Variants in SPINK5 observed in about 807,000 individuals in gnomAD.
SPINK5 encodes the protein serine peptidase inhibitor Kazal type 5.
In SPINK5, 125 loss-of-function variants were observed where a neutral mutation model predicts 151.8. The observed-to-expected ratio is 0.82, with a 90% confidence interval of 0.71 to 0.96. SPINK5 has a LOEUF of 0.96. SPINK5 is among the 40% of genes least tolerant of loss of function. The pLI is 0.00. For synonymous variants in SPINK5, 374 were observed against 395.3 expected (o/e 0.95, Z 0.64); for missense variants, 1,194 against 1,291.9 (o/e 0.92, Z 1.16).
intron 19 of SPINK5, 98 bp from the exon 20 acceptor site, chr5:148,112,770 T>C (rs1342061933): frequency 1.9e-6 from 3 of 1,566,696 alleles, no homozygotes; most frequent in African/African-American, 1.4e-5. Context: ...GGTGGAGGTA[T>C]AGAAGTAATG....
intron 15 of SPINK5, among the ~76,000 whole-genome samples, chr5:148,104,696 C>G (rs185984688): frequency 7.2e-5 from 11 of 152,174 alleles, no homozygotes; most frequent in African/African-American, 2.4e-4. Context: ...GAGTTCGAGA[C>G]CAGCCTGGCC....
At chr5:148,092,801 C>T (rs1435106565) in intron 8 of SPINK5, among the ~76,000 whole-genome samples, 1 of 151,912 alleles carries the variant, frequency 6.6e-6, no homozygotes, top group Non-Finnish European at 1.5e-5. Context: ...GTTTGGAGCA[C>T]ATCCATTGCT....
intron 18 of SPINK5, among the ~76,000 whole-genome samples, 164 bp downstream of exon 18, chr5:148,109,001 AT>A (rs1753852470): frequency 6.6e-6 from 1 of 152,132 alleles, no homozygotes; most frequent in African/African-American, 2.4e-5. Context: ...TCCTTATTCA[AT>A]TTATTCACAT....
intron 4 of SPINK5, among the ~76,000 whole-genome samples, chr5:148,075,386 CTAT>C (rs921537208): frequency 4.6e-5 from 7 of 150,730 alleles, no homozygotes; most frequent in African/African-American, 9.7e-5. Flanking sequence ...TAATATTAAA[CTAT>C]TATTATTTTC....
chr5:148,067,592 A>G (rs1206273586), intron 2 of SPINK5, among the ~76,000 whole-genome samples: 1 of 152,194 alleles, frequency 6.6e-6, no homozygotes, highest in Non-Finnish European at 1.5e-5. Flanking sequence ...GGATAATTTC[A>G]TAACTCAGAA....
intron 3 of SPINK5, among the ~76,000 whole-genome samples, chr5:148,070,986 T>C (rs996633984): frequency 6.6e-6 from 1 of 152,066 alleles, no homozygotes; most frequent in African/African-American, 2.4e-5. Flanking sequence ...GATTATAGTT[T>C]CCAACTCCTT....
At chr5:148,123,994 T>G (rs750265682) in intron 27 of SPINK5, 34 bp downstream of exon 27, 2 of 1,611,884 alleles carry the variant, frequency 1.2e-6, no homozygotes. Context: ...AATTTGATAG[T>G]TGTGCCTGTT....
At chr5:148,125,964 CT>C in intron 29 of SPINK5, 114 bp downstream of exon 29, 1 of 1,504,196 alleles carries the variant, frequency 6.6e-7, no homozygotes, top group Non-Finnish European at 9.2e-7. Flanking sequence ...AAAAATAAGT[CT>C]TTAGAATTAA....
At chr5:148,114,672 A>T (rs1477163069) in intron 21 of SPINK5, among the ~76,000 whole-genome samples, 183 bp downstream of exon 21, 1 of 152,232 alleles carries the variant, frequency 6.6e-6, no homozygotes, top group East Asian at 1.9e-4. Flanking sequence ...TAGAAATAAA[A>T]TAAATACAAC....
In SPINK5 at chr5:148,111,822, A is replaced by G. The variant is rs1406800616; in HGVS notation, c.1747A>G (p.Arg583Gly). The G allele has an allele frequency of 2.5e-6, 4 of 1,614,080 alleles. No homozygotes were observed. The highest frequency in any genetic ancestry group is 1.1e-5 in the South Asian group (1 of 91,088). Residue 583 changes from arginine to glycine, a missense_variant, in exon 19 of 33, where the codon AGA becomes GGA. Physicochemically the swap from Arg to Gly is moderately radical, Grantham distance 125 (BLOSUM62 -2). Coordinates refer to ENST00000256084, the MANE Select transcript of SPINK5 (RefSeq NM_006846.4). ...GAGGAATGGACGACTCCCCTGTACCAGAGAGAATGATCCTATTGAGGGTCT... is the reference window on the plus strand; with the variant it reads ...GAGGAATGGACGACTCCCCTGTACCGGAGAGAATGATCCTATTGAGGGTCT... ...YVRNGRLPCT[R>G]ENDPIEGLDG... is the part of the protein sequence containing the mutation.
chr5:148,124,864 A>G (rs752331445), intron 28 of SPINK5, 27 bp downstream of exon 28: 2 of 1,559,586 alleles, frequency 1.3e-6, no homozygotes, highest in African/African-American at 2.8e-5. Context: ...TACCAAAATA[A>G]CCATTTTACT....
In SPINK5 at chr5:148,070,406, T is replaced by C; in HGVS notation, c.165T>C (p.Asp55=). 1 of 1,612,860 alleles carries C rather than the reference T, an allele frequency of 6.2e-7. No individual in the cohort carries two copies. The highest frequency in any genetic ancestry group is 1.1e-5 in the South Asian group (1 of 91,046). The part of the protein sequence containing the change: ...PQDKKFFQSL[D]GIMFINKCAT... ...ATAAGAAATTTTTTCAAAGTCTTGATGGAATAATGTTCATCAATAAATGTG... is the reference window on the plus strand; with the variant it reads ...ATAAGAAATTTTTTCAAAGTCTTGACGGAATAATGTTCATCAATAAATGTG... The change falls in exon 3 of 33, where the codon GAT becomes GAC. Residue 55 remains aspartate, a synonymous_variant. Coordinates refer to ENST00000256084, the MANE Select transcript of SPINK5 (RefSeq NM_006846.4).
intron 10 of SPINK5, among the ~76,000 whole-genome samples, chr5:148,097,464 T>G (rs909852205): frequency 6.6e-6 from 1 of 152,034 alleles, no homozygotes; most frequent in African/African-American, 2.4e-5. Flanking sequence ...GGATGGCCTT[T>G]TTCCACATTA....
At chr5:148,117,218 T>G (rs1026358787) in intron 22 of SPINK5, among the ~76,000 whole-genome samples, 2 of 152,240 alleles carry the variant, frequency 1.3e-5, no homozygotes, top group Non-Finnish European at 2.9e-5. Context: ...CTATTCTGTT[T>G]TTTTCCCATC....
chr5:148,112,987 C>T (rs1158746146), intron 20 of SPINK5, 53 bp downstream of exon 20: 1 of 1,606,062 alleles, frequency 6.2e-7, no homozygotes, highest in Non-Finnish European at 8.5e-7. Flanking sequence ...TTTGCAGTAT[C>T]TCTGTAAAAA....
chr5:148,086,547 A>C lies in SPINK5; in HGVS notation c.410+15A>C. 6.2e-7 allele frequency: 1 copy of C among 1,609,992 alleles called. No individual in the cohort carries two copies. The highest frequency in any genetic ancestry group is 8.5e-7 in the Non-Finnish European group (1 of 1,178,028). On this transcript the variant is annotated intron_variant, in intron 5 of 32. Coordinates refer to ENST00000256084, the MANE Select transcript of SPINK5 (RefSeq NM_006846.4). ...GCTGAGAATGCGTGAGTATTCTCTG[A>C]AGTAGGCTTTCTCCCTAAAACGTGT... is the stretch of plus-strand genomic sequence containing the variant.
rs770237499 is a variant in SPINK5 at position 148,099,192 on chromosome 5, GTT to G, written c.1011-40_1011-39del. The stretch of plus-strand genomic sequence containing the variant: ...AGGATGTGGAGAAATCATGGCATGT[GTT>G]TGTTCCTAATGGATCTGCTTCTTTT... On this transcript the variant is annotated intron_variant, in intron 11 of 32. Coordinates refer to ENST00000256084, the MANE Select transcript of SPINK5 (RefSeq NM_006846.4). 10 of 1,553,862 alleles carry G rather than the reference GTT, an allele frequency of 6.4e-6. No homozygotes were observed. In the African/African-American group the frequency reaches 1.4e-4, roughly 21 times the overall value.
intron 18 of SPINK5, among the ~76,000 whole-genome samples, chr5:148,109,479 T>C (rs926205316): frequency 6.6e-6 from 1 of 150,382 alleles, no homozygotes; most frequent in African/African-American, 2.4e-5. Context: ...TATAATACAA[T>C]TATATACTGA....
intron 31 of SPINK5, among the ~76,000 whole-genome samples, chr5:148,133,592 AG>A (rs1193702710): frequency 6.6e-6 from 1 of 152,166 alleles, no homozygotes; most frequent in Non-Finnish European, 1.5e-5. Flanking sequence ...GGATAGGTCC[AG>A]GGCTAGGGGA....
Sources: allele counts gnomAD v4.1 joint callset (sites outside exome capture counted in the v4.1 genomes callset), GRCh38; gene constraint gnomAD v4.1.1; transcripts MANE v1.5; gene names NCBI Gene and HGNC (gene_info 2026-07-23, HGNC 2026-07-21).